AGAP6: variants seen among roughly 807,000 people sequenced by gnomAD.
The protein encoded by AGAP6 is arf-GAP with GTPase, ANK repeat and PH domain-containing protein 6.
AGAP6 carries 29 observed loss-of-function variants against 63.9 expected under a neutral mutation model. That is an observed-to-expected ratio of 0.45 (90% CI 0.34 to 0.62). The LOEUF is 0.62. AGAP6 is among the 20% of genes least tolerant of loss of function. The pLI, the probability that AGAP6 is intolerant of heterozygous loss-of-function variation, is 0.01. For synonymous variants in AGAP6, 199 were observed against 332.9 expected, an observed-to-expected ratio of 0.60 and a Z score of 4.38; for missense variants, 493 against 884.9, an observed-to-expected ratio of 0.56 and a Z score of 5.62.
intron 4 of AGAP6, among the ~76,000 whole-genome samples, chr10:49,997,721 G>A (rs1189553130): frequency 2.0e-5 from 3 of 151,226 alleles, no homozygotes; most frequent in East Asian, 1.9e-4. Context: ...TGAGATTTAG[G>A]TGCACCCATC....
chr10:50,007,479 CA>C (rs1426738236), intron 6 of AGAP6, among the ~76,000 whole-genome samples: 2 of 124,224 alleles, frequency 1.6e-5, no homozygotes, highest in East Asian at 4.5e-4. Flanking sequence ...GAGGTCCACA[CA>C]GCACATTTGG....
At chr10:50,007,248 C>T (rs1271966810) in intron 6 of AGAP6, among the ~76,000 whole-genome samples, 1 of 139,634 alleles carries the variant, frequency 7.2e-6, no homozygotes, top group Non-Finnish European at 1.5e-5. Flanking sequence ...AAAACTTAGC[C>T]AGGAGTGGTG....
intron 6 of AGAP6, among the ~76,000 whole-genome samples, chr10:50,005,836 C>T (rs1296888498): frequency 6.7e-6 from 1 of 149,636 alleles, no homozygotes; most frequent in African/African-American, 2.5e-5. Context: ...AGGAGAATCG[C>T]TTGAGCCTGG....
In AGAP6 at chr10:50,008,766, A is replaced by C. The variant is rs1842006224; in HGVS notation, c.641A>C (p.Tyr214Ser). Reference protein sequence around the residue: ...KRNGGGSLNNYSSSIPSTPST... With the variant: ...KRNGGGSLNNSSSSIPSTPST... ...AATGGAGGTGGGAGTTTAAATAACT[A>C]TTCCTCCTCCATTCCATCGACTCCC... The change falls in exon 8 of 8, where the codon TAT becomes TCT. Residue 214 changes from tyrosine to serine, a missense_variant. By Grantham distance (144) the Tyr-to-Ser change is moderately radical. Coordinates refer to ENST00000412531, the MANE Select transcript of AGAP6 (RefSeq NM_001077665.3). 5 of 1,614,092 alleles carry C rather than the reference A, an allele frequency of 3.1e-6. No homozygotes were observed. The highest frequency in any genetic ancestry group is 4.2e-6 in the Non-Finnish European group (5 of 1,179,990).
chr10:49,998,054 A>G (rs1841564383), intron 4 of AGAP6, among the ~76,000 whole-genome samples: 1 of 131,480 alleles, frequency 7.6e-6, no homozygotes, highest in Admixed American at 9.1e-5. Flanking sequence ...TCATTGATTG[A>G]TGGGCATTTG....
intron 6 of AGAP6, among the ~76,000 whole-genome samples, chr10:50,006,402 T>C (rs1441352506): frequency 6.6e-6 from 1 of 152,160 alleles, no homozygotes; most frequent in Non-Finnish European, 1.5e-5. Flanking sequence ...TTGAGAATGA[T>C]AGTTGAACTG....
chr10:49,989,003 C>A lies in AGAP6; in HGVS notation c.223+65C>A. ...CTGGCTGCTGCTGTCCCCATGGTTC[C>A]CTTTGAGGCATCCCACACTTCGAGC... is the stretch of plus-strand genomic sequence containing the variant. On this transcript the variant is annotated intron_variant, in intron 1 of 7. Coordinates refer to ENST00000412531, the MANE Select transcript of AGAP6 (RefSeq NM_001077665.3). The A allele has an allele frequency of 1.9e-6, 3 of 1,598,888 alleles. No homozygotes were observed. In the South Asian group the frequency reaches 3.3e-5, roughly 18 times the overall value.
rs1360924565 is a variant in AGAP6 at position 50,004,666 on chromosome 10, A to T, written c.498-19A>T. On this transcript the variant is annotated intron_variant, in intron 5 of 7. Coordinates refer to ENST00000412531, the MANE Select transcript of AGAP6 (RefSeq NM_001077665.3). ...CAAATGATAACATCTATTGTTATGAATTTTTTTTCCTTCCACAGTGTGACC... is the reference window on the plus strand; with the variant it reads ...CAAATGATAACATCTATTGTTATGATTTTTTTTTCCTTCCACAGTGTGACC... 14 of 1,249,836 alleles carry T rather than the reference A, an allele frequency of 1.1e-5. No homozygotes were observed. The highest frequency in any genetic ancestry group is 1.5e-5 in the Non-Finnish European group (14 of 921,674). The allele number at this position is 1,249,836 out of a possible 1,614,324, so 77.4% of individuals were successfully genotyped here.
chr10:49,988,940 TGAG>T lies in AGAP6; in HGVS notation c.223+7_223+9del. 6.2e-7 allele frequency: 1 copy of T among 1,601,260 alleles called. No individual in the cohort carries two copies. Among genetic ancestry groups the T allele is most frequent in the Non-Finnish European group, 8.5e-7 (1 of 1,179,344 alleles). ...TTCGTGACCGGGAGATGCCTGAAGGTGAGGAGGTGATAGGTGCCATCTACCCTC... is the reference window on the plus strand; with the variant it reads ...TTCGTGACCGGGAGATGCCTGAAGGTGAGGTGATAGGTGCCATCTACCCTC... On this transcript the variant is annotated splice_donor_5th_base_variant and intron_variant, in intron 1 of 7. Transcript: ENST00000412531.
At chr10:49,996,333 A>T (rs1482542734) in intron 4 of AGAP6, among the ~76,000 whole-genome samples, 1 of 151,782 alleles carries the variant, frequency 6.6e-6, no homozygotes, top group African/African-American at 2.4e-5. Context: ...CTTCCTTCCA[A>T]TGTGTGGTGG....
chr10:49,991,393 T>TG (rs1394004743), intron 2 of AGAP6, among the ~76,000 whole-genome samples: 6 of 149,720 alleles, frequency 4.0e-5, no homozygotes, highest in Admixed American at 6.7e-5. Flanking sequence ...TGTTTTTTTT[T>TG]TTTTTTTTTT....
In AGAP6 at chr10:50,009,657, C is replaced by T. The variant is rs1842037564; in HGVS notation, c.1532C>T (p.Pro511Leu). Residue 511 changes from proline to leucine, a missense_variant, in exon 8 of 8, where the codon CCC (proline) becomes CTC (leucine). Physicochemically the swap from Pro to Leu is moderately conservative, Grantham distance 98. This residue lies in a region of AGAP6 where 87 missense variants were observed against 92.9 expected (regional missense o/e 0.94). Transcript: ENST00000412531. ...TCAGGTATCCACCGCAGTCTTGGCC[C>T]CCACCTTTCCCGTGTGCGATCTCTG... ...ECSGIHRSLG[P>L]HLSRVRSLEL... 6 of 1,614,100 alleles carry T rather than the reference C, an allele frequency of 3.7e-6. No homozygotes were observed. Among genetic ancestry groups the T allele is most frequent in the African/African-American group, 1.3e-5 (1 of 74,940 alleles).
At position 50,010,494 on chromosome 10, in the gene AGAP6, C is replaced by G. The variant is rs1554865766; in HGVS notation, c.*308C>G. On this transcript the variant is annotated 3_prime_UTR_variant, in exon 8 of 8. Transcript: ENST00000412531. ...ATTTGAAATAAAGTTCATAAATATG[C>G]ATTGATTTTTGTACACATGGCACCT... is the stretch of plus-strand genomic sequence containing the variant. 2 of 616,810 alleles carry G rather than the reference C, an allele frequency of 3.2e-6. No homozygotes were observed. The highest frequency in any genetic ancestry group is 3.7e-5 in the African/African-American group (2 of 54,212). The allele number at this position is 616,810 out of a possible 1,614,324, so 38.2% of individuals were successfully genotyped here.
rs532966615 is a variant in AGAP6 at position 50,002,030 on chromosome 10, T to G, written c.431T>G (p.Leu144Trp). The G allele has an allele frequency of 6.2e-7, 1 of 1,612,776 alleles. No homozygotes were observed. Among genetic ancestry groups the G allele is most frequent in the East Asian group, 2.2e-5 (1 of 44,872 alleles). ...GTGCGTTTCAGTCAACAATACAGCT[T>G]GTGTTCGACAATATTCCTTGATGAC... Reference protein sequence around the residue: ...SAVRFSQQYSLCSTIFLDDST... With the variant: ...SAVRFSQQYSWCSTIFLDDST... Residue 144 changes from leucine (L) to tryptophan (W), a missense_variant, in exon 5 of 8, where the codon TTG becomes TGG. Transcript: ENST00000412531.
intron 4 of AGAP6, 123 bp from the exon 5 acceptor site, chr10:50,001,873 A>G (rs1337154592): frequency 1.1e-6 from 1 of 933,446 alleles, no homozygotes; most frequent in Admixed American, 2.7e-5. Flanking sequence ...TAGAGTGCAC[A>G]TGATACCACA....
At chr10:50,003,535 C>T (rs1394522205) in intron 5 of AGAP6, among the ~76,000 whole-genome samples, 1 of 152,134 alleles carries the variant, frequency 6.6e-6, no homozygotes, top group South Asian at 2.1e-4. Context: ...TGATTTTCAC[C>T]CCAGCTCAGT....
At chr10:49,993,056 C>T (rs1306088895) in intron 3 of AGAP6, among the ~76,000 whole-genome samples, 1 of 152,122 alleles carries the variant, frequency 6.6e-6, no homozygotes, top group African/African-American at 2.4e-5. Context: ...GCCACCGCAC[C>T]TGGCCAGTAC....
intron 6 of AGAP6, among the ~76,000 whole-genome samples, chr10:50,007,596 C>T (rs1184273832): frequency 6.9e-6 from 1 of 144,718 alleles, no homozygotes; most frequent in Admixed American, 7.1e-5. Flanking sequence ...ATTCAAACAA[C>T]AGAAAGTACA....
chr10:49,997,119 A>C (rs1423320481), intron 4 of AGAP6, among the ~76,000 whole-genome samples: 114 of 148,150 alleles, frequency 7.7e-4, no homozygotes, highest in African/African-American at 2.8e-3. Context: ...AGAATTTTTT[A>C]AATTAATGTA....
Sources: gnomAD v4.1 joint callset for allele counts (sites outside exome capture counted in the v4.1 genomes callset) on GRCh38, gnomAD v4.1.1 for gene constraint, gnomAD v4.1.1 regional missense constraint, MANE v1.5 for transcripts, NCBI Gene and HGNC (gene_info 2026-07-23, HGNC 2026-07-21) for gene names.